The following PLCXD3 variants were observed in gnomAD, a reference collection of about 807,000 sequenced individuals.
PLCXD3 encodes the protein PI-PLC X domain-containing protein 3.
In PLCXD3, 19 loss-of-function variants were observed where a neutral mutation model predicts 25.5. That is an observed-to-expected ratio of 0.75 (90% CI 0.52 to 1.09). The LOEUF is 1.09. PLCXD3 is among the 50% of genes least tolerant of loss of function. The pLI, the probability that PLCXD3 is intolerant of heterozygous loss-of-function variation, is 0.00. For missense variants in PLCXD3, 411 were observed against 388.1 expected, an observed-to-expected ratio of 1.06 and a Z score of -0.50; for synonymous variants, 174 against 137.6, an observed-to-expected ratio of 1.26 and a Z score of -1.85.
At chr5:41,479,729 AAGAG>A (rs951209823) in intron 1 of PLCXD3, among the ~76,000 whole-genome samples, 18 of 138,594 alleles carry the variant, frequency 1.3e-4, no homozygotes, top group East Asian at 4.2e-4. Flanking sequence ...GAGAGAGAGA[AAGAG>A]AGAGAGAGAG....
In PLCXD3 at chr5:41,382,251, A is replaced by C; in HGVS notation, c.387T>G (p.Asn129Lys). 1.2e-6 allele frequency: 2 copies of C among 1,613,772 alleles called. No homozygotes were observed. Among genetic ancestry groups the C allele is most frequent in the Non-Finnish European group, 1.7e-6 (2 of 1,179,788 alleles). Residue 129 changes from asparagine (N) to lysine (K), a missense_variant, in exon 2 of 3, where the codon AAT becomes AAG. Coordinates refer to ENST00000377801, the MANE Select transcript of PLCXD3 (RefSeq NM_001005473.3). ...AKVNEGLEEI[N>K]AFLTDHHKEV... ...CCTTATGGTGATCTGTGAGGAATGC[A>C]TTGATCTCCTCAAGGCCTTCATTGA...
intron 1 of PLCXD3, among the ~76,000 whole-genome samples, chr5:41,472,856 C>G (rs928556379): frequency 6.6e-6 from 1 of 151,978 alleles, no homozygotes; most frequent in Non-Finnish European, 1.5e-5. Flanking sequence ...AGTTATAGCT[C>G]CAATGTAAAA....
intron 1 of PLCXD3, among the ~76,000 whole-genome samples, chr5:41,389,054 A>G (rs541990965): frequency 6.6e-6 from 1 of 151,330 alleles, no homozygotes; most frequent in South Asian, 2.1e-4. Context: ...TACTTGCTTG[A>G]TTTTTTTTTA....
At chr5:41,352,225 T>C (rs939251538) in intron 2 of PLCXD3, among the ~76,000 whole-genome samples, 1 of 152,186 alleles carries the variant, frequency 6.6e-6, no homozygotes, top group Non-Finnish European at 1.5e-5. Context: ...CTCCCCCATA[T>C]GAGTTTAGTT....
At chr5:41,422,828 C>T (rs965886476) in intron 1 of PLCXD3, among the ~76,000 whole-genome samples, 1 of 152,050 alleles carries the variant, frequency 6.6e-6, no homozygotes, top group Non-Finnish European at 1.5e-5. Flanking sequence ...ACTGTACTAG[C>T]TGGTCCTCCA....
At chr5:41,345,523 A>G (rs1744272904) in intron 2 of PLCXD3, among the ~76,000 whole-genome samples, 1 of 152,240 alleles carries the variant, frequency 6.6e-6, no homozygotes, top group Non-Finnish European at 1.5e-5. Flanking sequence ...GAATGAGAAT[A>G]TTCATAAGAT....
At chr5:41,319,721 C>A (rs374532915) in intron 2 of PLCXD3, among the ~76,000 whole-genome samples, 3 of 151,384 alleles carry the variant, frequency 2.0e-5, no homozygotes, top group Admixed American at 1.3e-4. Flanking sequence ...CAAGAAAAAA[C>A]CAAACCCCAA....
intron 1 of PLCXD3, among the ~76,000 whole-genome samples, chr5:41,414,643 C>T (rs999167358): frequency 6.6e-6 from 1 of 152,118 alleles, no homozygotes; most frequent in Non-Finnish European, 1.5e-5. Flanking sequence ...TTTTGCCTTC[C>T]GCAATTTCAG....
At chr5:41,350,170 C>G (rs957005451) in intron 2 of PLCXD3, among the ~76,000 whole-genome samples, 1 of 152,134 alleles carries the variant, frequency 6.6e-6, no homozygotes, top group Non-Finnish European at 1.5e-5. Flanking sequence ...TTAGGCTCTC[C>G]TCCCACTTCT....
intron 1 of PLCXD3, among the ~76,000 whole-genome samples, chr5:41,433,654 T>G (rs1262927773): frequency 1.3e-5 from 2 of 152,260 alleles, no homozygotes; most frequent in South Asian, 2.1e-4. Flanking sequence ...TATTACTGAC[T>G]CACAAAAATG....
intron 1 of PLCXD3, among the ~76,000 whole-genome samples, chr5:41,392,361 G>A (rs948561752): frequency 2.0e-5 from 3 of 152,188 alleles, no homozygotes; most frequent in African/African-American, 7.2e-5. Flanking sequence ...GAGAAAGAGA[G>A]AGAGAGACTC....
Position 41,403,404 on chromosome 5 carries a change from T to TTTGTTTTTG in PLCXD3, c.104-20871_104-20870insCAAAAACAA, listed in dbSNP as rs1424890397. Reference sequence around the variant, plus strand: ...TACCCAGATTGACTTATTTGTTGTTTTTTTTTTTTTTTATTATACTCTAAG... The same window carrying TTTGTTTTTG: ...TACCCAGATTGACTTATTTGTTGTTTTTGTTTTTGTTTTTTTTTTTTATTATACTCTAAG... On this transcript the variant is annotated intron_variant, in intron 1 of 2. Transcript: ENST00000377801. Among the ~76,000 whole-genome samples the TTTGTTTTTG allele has an allele frequency of 2.2e-3, 76 of 34,594 alleles. 5 individuals carry two copies. Among genetic ancestry groups the TTTGTTTTTG allele is most frequent in the South Asian group, 4.1e-3 (6 of 1,450 alleles). The allele number at this position is 34,594 out of a possible 152,430, so 22.7% of individuals were successfully genotyped here.
At chr5:41,447,895 T>C (rs955742145) in intron 1 of PLCXD3, among the ~76,000 whole-genome samples, 1 of 152,238 alleles carries the variant, frequency 6.6e-6, no homozygotes, top group African/African-American at 2.4e-5. Context: ...TTACATGCTG[T>C]GCTGTGAATA....
chr5:41,315,379 A>T (rs1354054419), intron 2 of PLCXD3, among the ~76,000 whole-genome samples: 1 of 152,036 alleles, frequency 6.6e-6, no homozygotes, highest in Non-Finnish European at 1.5e-5. Context: ...GAAGTTGTAT[A>T]AAAAAGGTAA....
rs894548916 is a variant in PLCXD3, at chr5:41,461,789, A to G, written c.103+48635T>C. On this transcript the variant is annotated intron_variant, in intron 1 of 2. Transcript: ENST00000377801. ...AAAGCAGTATCACGGTCAGAACTCA[A>G]TCAGACTCTGCGTTGACACCTCAGC... is the stretch of plus-strand genomic sequence containing the variant. 1.6e-4 allele frequency among the ~76,000 whole-genome samples: 25 copies of G among 151,998 alleles called. 1 individual carries two copies. The highest frequency in any genetic ancestry group is 5.8e-4 in the African/African-American group (24 of 41,424).
chr5:41,496,627 CA>C (rs71608608), intron 1 of PLCXD3, among the ~76,000 whole-genome samples: 201 of 114,694 alleles, frequency 1.8e-3, no homozygotes, highest in East Asian at 5.3e-3. Flanking sequence ...TTTCCCAGAC[CA>C]AAAAAAAAAA....
intron 2 of PLCXD3, among the ~76,000 whole-genome samples, chr5:41,332,408 C>A (rs1356885538): frequency 1.3e-5 from 2 of 152,050 alleles, no homozygotes; most frequent in African/African-American, 4.8e-5. Context: ...CATCTCACAC[C>A]AGCTAGAATG....
At chr5:41,436,251 T>A (rs763992075) in intron 1 of PLCXD3, among the ~76,000 whole-genome samples, 1 of 151,854 alleles carries the variant, frequency 6.6e-6, no homozygotes, top group Non-Finnish European at 1.5e-5. Context: ...TAAAGCTATG[T>A]ATCACTGAAT....
At chr5:41,330,819 A>C (rs1303089894) in intron 2 of PLCXD3, among the ~76,000 whole-genome samples, 2 of 152,198 alleles carry the variant, frequency 1.3e-5, no homozygotes, top group Non-Finnish European at 2.9e-5. Flanking sequence ...GTAATCCAGC[A>C]TATAAACAGA....
Sources: gnomAD v4.1 joint callset for allele counts (sites outside exome capture counted in the v4.1 genomes callset) on GRCh38, gnomAD v4.1.1 for gene constraint, MANE v1.5 for transcripts, NCBI Gene and HGNC (gene_info 2026-07-23, HGNC 2026-07-21) for gene names.